The following GLI4 variants were observed in gnomAD, a reference collection of about 807,000 sequenced individuals.
The protein encoded by GLI4 is zinc finger protein GLI4.
GLI4 carries 34 observed loss-of-function variants against 30.9 expected under a neutral mutation model. The ratio of observed to expected loss-of-function variants is 1.10; its 90% confidence interval spans 0.84 to 1.47. The LOEUF (loss-of-function observed/expected upper bound fraction) is 1.47. GLI4 is among the 40% of genes most tolerant of loss of function. The probability of loss-of-function intolerance (pLI) is 0.00; values close to 1 mark genes in which losing one functional copy is unlikely to be tolerated. For missense variants in GLI4, 696 were observed against 538.9 expected, an observed-to-expected ratio of 1.29 and a Z score of -2.89; for synonymous variants, 277 against 236.7, an observed-to-expected ratio of 1.17 and a Z score of -1.56.
chr8:143,268,481 C>T (rs991520050), intron 1 of GLI4, among the ~76,000 whole-genome samples: 4 of 152,160 alleles, frequency 2.6e-5, no homozygotes, highest in African/African-American at 7.2e-5. Flanking sequence ...TGCTGCAGGG[C>T]TGGACTAGGG....
chr8:143,271,123 G>C (rs569066173), intron 2 of GLI4, among the ~76,000 whole-genome samples: 1 of 152,296 alleles, frequency 6.6e-6, no homozygotes, highest in Admixed American at 6.5e-5. Flanking sequence ...GTTTTGCCCC[G>C]TGGGAGGGAG....
At position 143,275,992 on chromosome 8, in the gene GLI4, C is replaced by A; in HGVS notation, c.319C>A (p.Leu107Ile). The A allele has an allele frequency of 7.1e-7, 1 of 1,403,662 alleles. No individual in the cohort carries two copies. The highest frequency in any genetic ancestry group is 1.5e-5 in the South Asian group (1 of 64,966). The allele number at this position is 1,403,662 out of a possible 1,614,324, so 87.0% of individuals were successfully genotyped here. The change falls in exon 4 of 4, where the codon CTT becomes ATT. Residue 107 changes from leucine (L) to isoleucine (I), a missense_variant. Physicochemically the swap from Leu to Ile is conservative, Grantham distance 5. Coordinates refer to ENST00000340042, the MANE Select transcript of GLI4 (RefSeq NM_138465.4). ...GGALRSLLRSLPRRARCSAGF... is the reference protein window; with the variant it reads ...GGALRSLLRSIPRRARCSAGF... Reference sequence around the variant, plus strand: ...GGCGCTGCGCAGCCTCCTGAGGAGCCTTCCCCGCAGGGCCCGGTGCAGCGC... The same window carrying A: ...GGCGCTGCGCAGCCTCCTGAGGAGCATTCCCCGCAGGGCCCGGTGCAGCGC...
In GLI4 at chr8:143,274,820, G is replaced by A. The variant is rs188125356; in HGVS notation, c.223+18G>A. On this transcript the variant is annotated intron_variant, in intron 3 of 3. Coordinates refer to ENST00000340042, the MANE Select transcript of GLI4 (RefSeq NM_138465.4). ...CTGGCCCGGTGAGTGAGCAGAATCG[G>A]GTTACTGGGGGACCAGAGCTCTGCG... 41 of 1,540,102 alleles carry A rather than the reference G, an allele frequency of 2.7e-5. No homozygotes were observed. Among genetic ancestry groups the A allele is most frequent in the Non-Finnish European group, 3.6e-5 (41 of 1,136,610 alleles).
At chr8:143,267,639 G>C in intron 1 of GLI4, 155 bp downstream of exon 1, 2 of 985,392 alleles carry the variant, frequency 2.0e-6, no homozygotes, top group Non-Finnish European at 1.2e-6. Context: ...GCCAAGCCCG[G>C]GGAGCGGGGT....
intron 2 of GLI4, among the ~76,000 whole-genome samples, chr8:143,274,031 TC>T (rs1332785322): frequency 1.3e-5 from 2 of 152,044 alleles, no homozygotes; most frequent in African/African-American, 4.8e-5. Flanking sequence ...ATTAAGGCCA[TC>T]CCCCCACCCT....
chr8:143,275,935 G>T lies in GLI4; in HGVS notation c.262G>T (p.Gly88Cys). 7.5e-7 allele frequency: 1 copy of T among 1,329,754 alleles called. No homozygotes were observed. The allele number at this position is 1,329,754 out of a possible 1,614,324, so 82.4% of individuals were successfully genotyped here. ...PKPEQAPRSP[G>C]SQAPDEGAGG... Reference sequence around the variant, plus strand: ...GCCGGAGCAGGCTCCACGCTCTCCTGGCTCTCAGGCCCCTGACGAGGGGGC... The same window carrying T: ...GCCGGAGCAGGCTCCACGCTCTCCTTGCTCTCAGGCCCCTGACGAGGGGGC... The change falls in exon 4 of 4, where the codon GGC becomes TGC. Residue 88 changes from glycine to cysteine, a missense_variant. Transcript: ENST00000340042.
At chr8:143,267,552 C>A in intron 1 of GLI4, 68 bp downstream of exon 1, 81 of 985,476 alleles carry the variant, frequency 8.2e-5, no homozygotes, top group Non-Finnish European at 9.6e-5. Flanking sequence ...GCTCGTGCGC[C>A]GTACTCCGCG....
chr8:143,275,823 C>CTCCCCG, intron 3 of GLI4, 74 bp from the exon 4 acceptor site: 2 of 1,251,258 alleles, frequency 1.6e-6, no homozygotes, highest in African/African-American at 3.1e-5. Context: ...TCTGCTCTCA[C>CTCCCCG]TCCCCGTCCC....
chr8:143,275,234 C>T lies in GLI4; in HGVS notation c.223+432C>T, dbSNP rs537549885. On this transcript the variant is annotated intron_variant, in intron 3 of 3. Transcript: ENST00000340042. Reference sequence around the variant, plus strand: ...GCCTGGTTGGAGCTGTGTCCAGGTCCCCTGCACCTCCCCCTTGAGAAGCTC... The same window carrying T: ...GCCTGGTTGGAGCTGTGTCCAGGTCTCCTGCACCTCCCCCTTGAGAAGCTC... 7.2e-6 allele frequency: 11 copies of T among 1,530,184 alleles called. No individual in the cohort carries two copies. In the South Asian group the frequency reaches 8.4e-5, roughly 12 times the overall value. 94.8% of individuals were successfully genotyped at this position (1,530,184 alleles called of 1,614,324 possible).
chr8:143,274,635 G>C, intron 2 of GLI4, 69 bp from the exon 3 acceptor site: 1 of 1,460,284 alleles, frequency 6.8e-7, no homozygotes, highest in Non-Finnish European at 9.2e-7. Flanking sequence ...GGGAGCACGT[G>C]GCGGTCAGAG....
At position 143,267,461 on chromosome 8, in the gene GLI4, C is replaced by A; in HGVS notation, c.-61C>A. ...GGGCCGGACACTTCCGTCCGGCGCG[C>A]GGCGTCCTCCTCCCGCTCGGAAGGT... On this transcript the variant is annotated 5_prime_UTR_variant, in exon 1 of 4. Coordinates refer to ENST00000340042, the MANE Select transcript of GLI4 (RefSeq NM_138465.4). 1.0e-6 allele frequency: 1 copy of A among 985,386 alleles called. No individual in the cohort carries two copies. Among genetic ancestry groups the A allele is most frequent in the Non-Finnish European group, 1.2e-6 (1 of 829,912 alleles). The allele number at this position is 985,386 out of a possible 1,614,324, so 61.0% of individuals were successfully genotyped here.
At chr8:143,275,416 G>A in intron 3 of GLI4, 2 of 1,385,842 alleles carry the variant, frequency 1.4e-6, no homozygotes, top group Middle Eastern at 2.3e-4. Flanking sequence ...AAGCTCCTGG[G>A]GTGGGCATGG....
rs1040589238 is a variant in GLI4, at chr8:143,276,136, C to A, written c.463C>A (p.Pro155Thr). The change falls in exon 4 of 4, where the codon CCC (proline) becomes ACC (threonine). Residue 155 changes from proline to threonine, a missense_variant. Coordinates refer to ENST00000340042, the MANE Select transcript of GLI4 (RefSeq NM_138465.4). ...VTLVQQAAAG[P>T]EGAPERAAEL... is the part of the protein sequence containing the mutation. Reference sequence around the variant, plus strand: ...GCTCGTGCAGCAAGCAGCGGCCGGGCCCGAGGGTGCGCCCGAGCGGGCTGC... The same window carrying A: ...GCTCGTGCAGCAAGCAGCGGCCGGGACCGAGGGTGCGCCCGAGCGGGCTGC... The A allele has an allele frequency of 1.2e-5, 19 of 1,541,752 alleles. No homozygotes were observed. The African/African-American group carries it at 2.6e-4, about 21-fold the overall frequency.
chr8:143,267,622 G>T, intron 1 of GLI4, 138 bp downstream of exon 1: 3 of 985,516 alleles, frequency 3.0e-6, no homozygotes, highest in Non-Finnish European at 3.6e-6. Context: ...CGTGACCTTG[G>T]CCTTGGGCCA....
At chr8:143,268,854 TGCTGC>T (rs1241409982) in intron 1 of GLI4, among the ~76,000 whole-genome samples, 122 of 147,644 alleles carry the variant, frequency 8.3e-4, no homozygotes, top group African/African-American at 2.7e-3. Flanking sequence ...CTGCTGCTGC[TGCTGC>T]TGTTGTTTGA....
chr8:143,275,346 G>A, intron 3 of GLI4: 1 of 1,416,882 alleles, frequency 7.1e-7, no homozygotes, highest in Non-Finnish European at 9.2e-7. Context: ...CCTGGGGTGG[G>A]GAGCAGGTGT....
In GLI4 at chr8:143,276,082, G is replaced by T. The variant is rs1166996026; in HGVS notation, c.409G>T (p.Ala137Ser). 7.1e-7 allele frequency: 1 copy of T among 1,405,272 alleles called. No homozygotes were observed. Among genetic ancestry groups the T allele is most frequent in the Non-Finnish European group, 9.2e-7 (1 of 1,090,970 alleles). The allele number at this position is 1,405,272 out of a possible 1,614,324, so 87.1% of individuals were successfully genotyped here. A position where few individuals can be genotyped will look rare whatever the true frequency, so the allele number is the denominator to read the frequency against. ...AGQPPGAVPC[A>S]QPRGAWRVTL... The stretch of plus-strand genomic sequence containing the variant: ...CCAGCCGCCTGGGGCCGTCCCTTGC[G>T]CCCAGCCGCGGGGCGCCTGGCGCGT... Residue 137 changes from alanine to serine, a missense_variant, in exon 4 of 4, where the codon GCC becomes TCC. Ala to Ser is a moderately conservative substitution (Grantham distance 99, BLOSUM62 1). Coordinates refer to ENST00000340042, the MANE Select transcript of GLI4 (RefSeq NM_138465.4).
At chr8:143,271,731 C>T (rs1320121067) in intron 2 of GLI4, among the ~76,000 whole-genome samples, 1 of 152,074 alleles carries the variant, frequency 6.6e-6, no homozygotes, top group Non-Finnish European at 1.5e-5. Flanking sequence ...GAGGAGGTCC[C>T]AAGTAGGAGC....
rs756685107 is a variant in GLI4 at position 143,276,906 on chromosome 8, G to A, written c.*102G>A. On this transcript the variant is annotated 3_prime_UTR_variant, in exon 4 of 4. Transcript: ENST00000340042. Reference sequence around the variant, plus strand: ...CCCAGCACCGCATGCCACGTGTCCGGAATAAATTCTTTTTGATTGTTGGAA... The same window carrying A: ...CCCAGCACCGCATGCCACGTGTCCGAAATAAATTCTTTTTGATTGTTGGAA... The A allele has an allele frequency of 4.0e-6, 3 of 755,340 alleles. No homozygotes were observed. Among genetic ancestry groups the A allele is most frequent in the Non-Finnish European group, 6.3e-6 (3 of 478,160 alleles). 46.8% of individuals were successfully genotyped at this position (755,340 alleles called of 1,614,324 possible).
Sources: allele counts gnomAD v4.1 joint callset (sites outside exome capture counted in the v4.1 genomes callset), GRCh38; gene constraint gnomAD v4.1.1; transcripts MANE v1.5; gene names NCBI Gene and HGNC (gene_info 2026-07-23, HGNC 2026-07-21).